NIBAN2: variants seen among roughly 807,000 people sequenced by gnomAD.
NIBAN2 encodes the protein protein Niban 2.
In NIBAN2, 36 loss-of-function variants were observed where a neutral mutation model predicts 81.8. The ratio of observed to expected loss-of-function variants is 0.44; its 90% confidence interval spans 0.34 to 0.58. NIBAN2 has a LOEUF of 0.58. NIBAN2 is among the 20% of genes least tolerant of loss of function. The probability of loss-of-function intolerance (pLI) is 0.02; values close to 1 mark genes in which losing one functional copy is unlikely to be tolerated. For synonymous variants in NIBAN2, 445 were observed against 441.6 expected (o/e 1.01, Z -0.10); for missense variants, 897 against 1,014.1 (o/e 0.88, Z 1.57).
chr9:127,552,819 G>A (rs993552673), intron 1 of NIBAN2, among the ~76,000 whole-genome samples: 2 of 149,784 alleles, frequency 1.3e-5, no homozygotes, highest in African/African-American at 4.9e-5. Context: ...CTCCCAAGTA[G>A]CTGAGATTAC....
At chr9:127,556,892 C>A (rs1216377894) in intron 1 of NIBAN2, among the ~76,000 whole-genome samples, 1 of 152,160 alleles carries the variant, frequency 6.6e-6, no homozygotes, top group African/African-American at 2.4e-5. Context: ...CTGGGTAACA[C>A]AGGGAGACTC....
Position 127,509,687 on chromosome 9 carries a change from C to T in NIBAN2, c.1161+459G>A, listed in dbSNP as rs117495875. ...GATAACTGAGGTCAAGTAAGGGCAACGGCTGTCTCCATTTGGAGGGCGCGT... is the reference window on the plus strand; with the variant it reads ...GATAACTGAGGTCAAGTAAGGGCAATGGCTGTCTCCATTTGGAGGGCGCGT... On this transcript the variant is annotated intron_variant, in intron 9 of 13. Transcript: ENST00000373312. Among the ~76,000 whole-genome samples the T allele has an allele frequency of 2.0e-3, 307 of 151,978 alleles. 4 individuals carry two copies. The East Asian group carries it at 0.041, about 20-fold the overall frequency.
chr9:127,541,618 C>G (rs972715468), intron 1 of NIBAN2, among the ~76,000 whole-genome samples: 1 of 152,108 alleles, frequency 6.6e-6, no homozygotes, highest in African/African-American at 2.4e-5. Flanking sequence ...GGGGTAATGA[C>G]AGGCTCCATC....
intron 1 of NIBAN2, among the ~76,000 whole-genome samples, chr9:127,544,972 G>A (rs1837444065): frequency 6.6e-6 from 1 of 152,180 alleles, no homozygotes; most frequent in Admixed American, 6.5e-5. Context: ...CTGGGGAAAT[G>A]GGGAAAAGCT....
At chr9:127,569,437 GA>G (rs1006739331), upstream of NIBAN2, among the ~76,000 whole-genome samples, 15 of 151,750 alleles carry the variant, frequency 9.9e-5, no homozygotes, top group Non-Finnish European at 1.8e-4. Context: ...GGCTGGTGGG[GA>G]CATCTGAAAA....
chr9:127,574,464 G>C (rs1191026790), intron 1 of NIBAN2, among the ~76,000 whole-genome samples: 2 of 152,160 alleles, frequency 1.3e-5, no homozygotes, highest in Non-Finnish European at 2.9e-5. Context: ...GACGGTCAGA[G>C]CCAGAGCTTG....
intron 1 of NIBAN2, among the ~76,000 whole-genome samples, chr9:127,557,159 G>A (rs866149518): frequency 6.6e-6 from 1 of 152,162 alleles, no homozygotes; most frequent in South Asian, 2.1e-4. Context: ...CTCAGAGGAA[G>A]AGCCTGATCC....
chr9:127,560,912 G>A (rs1265519661), intron 1 of NIBAN2, among the ~76,000 whole-genome samples: 1 of 152,182 alleles, frequency 6.6e-6, no homozygotes, highest in Non-Finnish European at 1.5e-5. Flanking sequence ...GAATTCCCAA[G>A]AGTAGATACT....
intron 9 of NIBAN2, 140 bp from the exon 10 acceptor site, chr9:127,509,271 GC>G: frequency 2.6e-6 from 2 of 783,788 alleles, no homozygotes; most frequent in African/African-American, 1.7e-5. Context: ...GGTGCTCATG[GC>G]CACAAAGGTA....
intron 5 of NIBAN2, among the ~76,000 whole-genome samples, chr9:127,521,844 CTG>C (rs562837278): frequency 4.6e-4 from 70 of 152,232 alleles, no homozygotes; most frequent in Non-Finnish European, 8.2e-4. Flanking sequence ...TGAGTGCTCA[CTG>C]TGCGTGCCAG....
Position 127,534,274 on chromosome 9 carries a change from C to A in NIBAN2, c.56-2496G>T, listed in dbSNP as rs1042869441. Among the ~76,000 whole-genome samples the A allele has an allele frequency of 3.8e-4, 58 of 152,228 alleles. 1 individual carries two copies. The highest frequency in any genetic ancestry group is 5.9e-4 in the Non-Finnish European group (40 of 68,026). On this transcript the variant is annotated intron_variant, in intron 1 of 13. Transcript: ENST00000373312. ...CAAAACAGGAGCTGGCAGGAACCTG[C>A]CCCTCCCATGGCCAGTCTCCAGGTA...
chr9:127,529,777 C>A (rs1837144610), intron 2 of NIBAN2, among the ~76,000 whole-genome samples: 1 of 152,092 alleles, frequency 6.6e-6, no homozygotes, highest in Non-Finnish European at 1.5e-5. Flanking sequence ...TTGATCACCA[C>A]TGGTGATTAA....
At chr9:127,519,139 C>G (rs1836886896) in intron 5 of NIBAN2, among the ~76,000 whole-genome samples, 1 of 135,642 alleles carries the variant, frequency 7.4e-6, no homozygotes, top group Non-Finnish European at 1.5e-5. Flanking sequence ...TGCGCCACTG[C>G]ACTCTAGCCT....
chr9:127,526,421 A>G (rs1366276361), intron 3 of NIBAN2, among the ~76,000 whole-genome samples: 3 of 151,786 alleles, frequency 2.0e-5, no homozygotes, highest in Non-Finnish European at 4.4e-5. Flanking sequence ...AAAAAGAAAA[A>G]AAAAAGAGAT....
intron 5 of NIBAN2, among the ~76,000 whole-genome samples, chr9:127,523,193 ATATATATATATATAT>A (rs1190974747): frequency 0.015 from 119 of 7,998 alleles, 41 homozygotes; most frequent in African/African-American, 0.02. Flanking sequence ...AAAAAAAAAA[ATATATATATATATAT>A]ATATATATAT....
At chr9:127,510,059 C>A (rs1053809602) in intron 9 of NIBAN2, 87 bp downstream of exon 9, 15 of 1,314,362 alleles carry the variant, frequency 1.1e-5, no homozygotes, top group Non-Finnish European at 1.6e-5. Context: ...AGGGGAACGG[C>A]TGCCCGGAGT....
At chr9:127,575,598 C>A (rs1413414208) in intron 1 of NIBAN2, among the ~76,000 whole-genome samples, 2 of 145,322 alleles carry the variant, frequency 1.4e-5, no homozygotes, top group East Asian at 4.1e-4. Context: ...GGCGGGATCT[C>A]TGCTCACTGC....
At chr9:127,577,012 G>C (rs1424949027) in intron 1 of NIBAN2, among the ~76,000 whole-genome samples, 2 of 151,330 alleles carry the variant, frequency 1.3e-5, no homozygotes, top group South Asian at 4.2e-4. Flanking sequence ...ATAATTTATT[G>C]TTATTTTATT....
intron 1 of NIBAN2, among the ~76,000 whole-genome samples, chr9:127,556,456 GCATTCATT>G (rs34149772): frequency 0.072 from 10,898 of 151,262 alleles, 872 homozygotes; most frequent in African/African-American, 0.2. Flanking sequence ...CCTTGCAATG[GCATTCATT>G]CATTCATTCA....
Sources: allele counts gnomAD v4.1 joint callset (sites outside exome capture counted in the v4.1 genomes callset), GRCh38; gene constraint gnomAD v4.1.1; transcripts MANE v1.5; gene names NCBI Gene and HGNC (gene_info 2026-07-23, HGNC 2026-07-21).